The following LCNL1 variants were observed in gnomAD, a reference collection of about 807,000 sequenced individuals.
LCNL1 encodes lipocalin like 1.
A neutral mutation model predicts 7.9 loss-of-function variants in LCNL1; 11 were observed. The ratio of observed to expected loss-of-function variants is 1.40; its 90% CI spans 0.88 to 2.32. The LOEUF (loss-of-function observed/expected upper bound fraction) is 2.32. Among genes scored for constraint, LCNL1 ranks in the 30% most tolerant of loss-of-function variants. LCNL1 has a pLI of 0.00. For missense variants in LCNL1, 218 were observed against 217.0 expected (o/e 1.00, Z -0.03); for synonymous variants, 90 against 92.5 (o/e 0.97, Z 0.15).
rs1830483199 is a variant in LCNL1 at position 136,984,957 on chromosome 9, G to GGCCCCTCCCT, written c.449_458dup (p.Phe157SerfsTer83). ...CCTGGTGTCTGTGGCCGCGGGTCCCGGCCCCTCCCTGCCCCTCTCTCCCTC... is the reference window on the plus strand; with the variant it reads ...CCTGGTGTCTGTGGCCGCGGGTCCCGGCCCCTCCCTGCCCCTCCCTGCCCCTCTCTCCCTC... On this transcript the variant is annotated frameshift_variant, in exon 3 of 3. Transcript: ENST00000408973. LOFTEE classifies it low-confidence loss of function (END_TRUNC). 1 of 1,545,320 alleles carries GGCCCCTCCCT rather than the reference G, an allele frequency of 6.5e-7. No individual in the cohort carries two copies. The highest frequency in any genetic ancestry group is 2.0e-5 in the Admixed American group (1 of 50,640).
rs17578859 is a variant in LCNL1 at position 136,984,718 on chromosome 9, G to A, written c.202G>A (p.Ala68Thr). Residue 68 changes from alanine to threonine, a missense_variant, in exon 3 of 3, where the codon GCC (alanine) becomes ACC (threonine). Coordinates refer to ENST00000408973, the MANE Select transcript of LCNL1 (RefSeq NM_207510.4). ...AGCGGCTCTCGCTCCTCCAGCCATGGCCCTGAGTGACATCCGAGTGGCCTT... is the reference window on the plus strand; with the variant it reads ...AGCGGCTCTCGCTCCTCCAGCCATGACCCTGAGTGACATCCGAGTGGCCTT... ...VPGQFSNPAM[A>T]LSDIRVAFSD... The A allele has an allele frequency of 0.26, 389,955 of 1,526,476 alleles. 51,108 individuals are homozygous for A. Among genetic ancestry groups the A allele is most frequent in the Admixed American group, 0.4 (20,334 of 50,804 alleles). 94.6% of individuals were successfully genotyped at this position (1,526,476 alleles called of 1,614,324 possible).
At chr9:136,984,200 T>C (rs536079990) in intron 1 of LCNL1, 1 of 474,780 alleles carries the variant, frequency 2.1e-6, no homozygotes. Context: ...TGTCTGTGTC[T>C]ATCTCCGTGT....
At chr9:136,983,854 T>C (rs897525528) in intron 1 of LCNL1, 146 bp downstream of exon 1, 13 of 1,168,714 alleles carry the variant, frequency 1.1e-5, no homozygotes, top group South Asian at 8.7e-5. Flanking sequence ...GAGCCCCAGA[T>C]GGCAGCCACA....
intron 1 of LCNL1, chr9:136,984,195 G>A: frequency 2.1e-6 from 1 of 470,996 alleles, no homozygotes. Flanking sequence ...GTCTGTGTCT[G>A]TGTCTATCTC....
In LCNL1 at chr9:136,983,521, CCAGGGCA is replaced by C; in HGVS notation, c.-60_-54del. 1.3e-6 allele frequency: 2 copies of C among 1,596,424 alleles called. No individual in the cohort carries two copies. The highest frequency in any genetic ancestry group is 8.6e-7 in the Non-Finnish European group (1 of 1,166,272). ...GGGGCAGAATGTGGTGGGCTCAGGC[CCAGGGCA>C]CAGGGGCGGCCTCCCAGCCTTCCCT... On this transcript the variant is annotated 5_prime_UTR_variant, in exon 1 of 3. Coordinates refer to ENST00000408973, the MANE Select transcript of LCNL1 (RefSeq NM_207510.4).
chr9:136,984,392 G>C, intron 1 of LCNL1, 98 bp from the exon 2 acceptor site: 1 of 1,146,450 alleles, frequency 8.7e-7, no homozygotes, highest in South Asian at 1.7e-5. Flanking sequence ...TTGTGAGGGT[G>C]AACAGGGGAC....
At position 136,983,659 on chromosome 9, in the gene LCNL1, G is replaced by A. The variant is rs975495365; in HGVS notation, c.73G>A (p.Val25Met). Reference sequence around the variant, plus strand: ...CACCATGAAGATGGCTGTGGTCTTAGTGACCCCCTTGGGGAATGGTGACCT... The same window carrying A: ...CACCATGAAGATGGCTGTGGTCTTAATGACCCCCTTGGGGAATGGTGACCT... ...KDTMKMAVVLVTPLGNGDLAL... is the reference protein window; with the variant it reads ...KDTMKMAVVLMTPLGNGDLAL... Residue 25 changes from valine to methionine, a missense_variant, in exon 1 of 3, where the codon GTG becomes ATG. Transcript: ENST00000408973. 6.2e-7 allele frequency: 1 copy of A among 1,613,934 alleles called. No individual in the cohort carries two copies. Among genetic ancestry groups the A allele is most frequent in the African/African-American group, 1.3e-5 (1 of 74,934 alleles).
intron 1 of LCNL1, chr9:136,983,992 A>ATTTT (rs1830468654): frequency 2.2e-6 from 1 of 458,726 alleles, no homozygotes; most frequent in Non-Finnish European, 4.0e-6. Context: ...ATGTGTGTCT[A>ATTTT]TTTCTGCATG....
Position 136,984,977 on chromosome 9 carries a change from T to C in LCNL1, c.461T>C (p.Leu154Pro). ...GTCCCGGCCCCTCCCTGCCCCTCTC[T>C]CCCTCTCTTCGCCCCTCCAGCCCCT... Reference protein sequence around the residue: ...PRVPAPPCPSLPLFAPPAPSL With the variant: ...PRVPAPPCPSPPLFAPPAPSL The change falls in exon 3 of 3, where the codon CTC (leucine) becomes CCC (proline). Residue 154 changes from leucine (L) to proline (P), a missense_variant. Coordinates refer to ENST00000408973, the MANE Select transcript of LCNL1 (RefSeq NM_207510.4). The C allele has an allele frequency of 6.5e-7, 1 of 1,534,842 alleles. No homozygotes were observed. The highest frequency in any genetic ancestry group is 1.2e-5 in the South Asian group (1 of 83,432).
chr9:136,984,544 G>C lies in LCNL1; in HGVS notation c.177G>C (p.Pro59=), dbSNP rs571068558. 6.4e-7 allele frequency: 1 copy of C among 1,574,614 alleles called. No homozygotes were observed. Among genetic ancestry groups the C allele is most frequent in the African/African-American group, 1.3e-5 (1 of 74,370 alleles). ...CGACCTTCACCGAGGGTGCTGTACCGGGGCAGTTCAGCAACCCAGGTGAGG... is the reference window on the plus strand; with the variant it reads ...CGACCTTCACCGAGGGTGCTGTACCCGGGCAGTTCAGCAACCCAGGTGAGG... ...MDTTFTEGAV[P]GQFSNPAMAL... The change falls in exon 2 of 3, where the codon CCG becomes CCC. Residue 59 remains proline (P), a synonymous_variant. Transcript: ENST00000408973.
At position 136,983,536 on chromosome 9, in the gene LCNL1, G is replaced by A. The variant is rs1564197601; in HGVS notation, c.-51G>A. ...GGGCTCAGGCCCAGGGCACAGGGGCGGCCTCCCAGCCTTCCCTGCACTTGC... is the reference window on the plus strand; with the variant it reads ...GGGCTCAGGCCCAGGGCACAGGGGCAGCCTCCCAGCCTTCCCTGCACTTGC... On this transcript the variant is annotated 5_prime_UTR_variant, in exon 1 of 3. Transcript: ENST00000408973. 4.4e-6 allele frequency: 7 copies of A among 1,602,472 alleles called. No individual in the cohort carries two copies. Among genetic ancestry groups the A allele is most frequent in the East Asian group, 2.2e-5 (1 of 44,546 alleles).
At chr9:136,984,211 G>A (rs980464812) in intron 1 of LCNL1, 2 of 485,084 alleles carry the variant, frequency 4.1e-6, no homozygotes, top group Non-Finnish European at 7.3e-6. Flanking sequence ...ATCTCCGTGT[G>A]TGTGCATGTG....
intron 1 of LCNL1, 133 bp from the exon 2 acceptor site, chr9:136,984,357 C>T: frequency 1.2e-6 from 1 of 824,462 alleles, no homozygotes; most frequent in South Asian, 2.1e-5. Flanking sequence ...CTAAGGTCAT[C>T]CTAAAGTCCC....
Position 136,983,533 on chromosome 9 carries a change from G to T in LCNL1, c.-54G>T, listed in dbSNP as rs1830464744. 1 of 1,602,404 alleles carries T rather than the reference G, an allele frequency of 6.2e-7. No homozygotes were observed. The highest frequency in any genetic ancestry group is 1.3e-5 in the African/African-American group (1 of 74,764). On this transcript the variant is annotated 5_prime_UTR_variant, in exon 1 of 3. Transcript: ENST00000408973. Reference sequence around the variant, plus strand: ...GGTGGGCTCAGGCCCAGGGCACAGGGGCGGCCTCCCAGCCTTCCCTGCACT... The same window carrying T: ...GGTGGGCTCAGGCCCAGGGCACAGGTGCGGCCTCCCAGCCTTCCCTGCACT...
chr9:136,983,426 C>T lies in LCNL1; in HGVS notation c.-161C>T, dbSNP rs1343391311. ...CAGTTGCTCATGTACTGAGGCCCCC[C>T]TCCCTCAGTTCTGCATCGGGGTCGA... On this transcript the variant is annotated 5_prime_UTR_variant, in exon 1 of 3. Coordinates refer to ENST00000408973, the MANE Select transcript of LCNL1 (RefSeq NM_207510.4). 3 of 818,900 alleles carry T rather than the reference C, an allele frequency of 3.7e-6. No homozygotes were observed. Among genetic ancestry groups the T allele is most frequent in the Admixed American group, 4.3e-5 (2 of 46,464 alleles). 50.7% of individuals were successfully genotyped at this position (818,900 alleles called of 1,614,324 possible). A position where few individuals can be genotyped will look rare whatever the true frequency, so the allele number is the denominator to read the frequency against.
At chr9:136,984,184 T>TA in intron 1 of LCNL1, 1 of 454,698 alleles carries the variant, frequency 2.2e-6, no homozygotes, top group South Asian at 4.2e-5. Context: ...TCTGTCAGTG[T>TA]GTCTGTGTCT....
In LCNL1 at chr9:136,984,702, C is replaced by A; in HGVS notation, c.197-11C>A. 2 of 1,517,376 alleles carry A rather than the reference C, an allele frequency of 1.3e-6. No homozygotes were observed. Among genetic ancestry groups the A allele is most frequent in the Admixed American group, 2.1e-5 (1 of 48,400 alleles). 94.0% of individuals were successfully genotyped at this position (1,517,376 alleles called of 1,614,324 possible). A position where few individuals can be genotyped will look rare whatever the true frequency, so the allele number is the denominator to read the frequency against. On this transcript the variant is annotated splice_polypyrimidine_tract_variant and intron_variant, in intron 2 of 2. Coordinates refer to ENST00000408973, the MANE Select transcript of LCNL1 (RefSeq NM_207510.4). ...CCCTGGGCCTGGGGTCAGCGGCTCT[C>A]GCTCCTCCAGCCATGGCCCTGAGTG...
intron 1 of LCNL1, chr9:136,983,964 G>A: frequency 1.9e-6 from 1 of 513,042 alleles, no homozygotes; most frequent in Non-Finnish European, 3.6e-6. Flanking sequence ...ATCACTGTAT[G>A]TGGCTGTGTC....
At position 136,983,557 on chromosome 9, in the gene LCNL1, C is replaced by T; in HGVS notation, c.-30C>T. 1 of 1,608,940 alleles carries T rather than the reference C, an allele frequency of 6.2e-7. No individual in the cohort carries two copies. The highest frequency in any genetic ancestry group is 1.3e-5 in the African/African-American group (1 of 74,988). On this transcript the variant is annotated 5_prime_UTR_variant, in exon 1 of 3. Transcript: ENST00000408973. ...GGGCGGCCTCCCAGCCTTCCCTGCA[C>T]TTGCCCTGCAGTTCCAGGGCACCTG...
Sources: allele counts gnomAD v4.1 joint callset, GRCh38; gene constraint gnomAD v4.1.1; transcripts MANE v1.5; gene names NCBI Gene and HGNC (gene_info 2026-07-23, HGNC 2026-07-21).